The following JADE1 variants were observed in gnomAD, a reference collection of about 807,000 sequenced individuals.
JADE1 encodes the protein jade family PHD finger 1, also known as protein Jade-1.
A neutral mutation model predicts 81.8 loss-of-function variants in JADE1; 14 were observed. The observed-to-expected ratio is 0.17, with a 90% CI of 0.11 to 0.27. The LOEUF is 0.27. Ranked by LOEUF, JADE1 falls within the 10% of genes least tolerant of loss-of-function variation. The probability of loss-of-function intolerance (pLI) is 1.00; values close to 1 mark genes in which losing one functional copy is unlikely to be tolerated. For synonymous variants in JADE1, 353 were observed against 391.9 expected (o/e 0.90, Z 1.17); for missense variants, 690 against 1,047.9 (o/e 0.66, Z 4.71).
chr4:128,809,972 C>CGCGGCGGCGACGGCG (rs1553940211), intron 1 of JADE1, 95 bp downstream of exon 1: 2 of 159,620 alleles, frequency 1.3e-5, no homozygotes, highest in South Asian at 1.7e-4. Flanking sequence ...GTCCCGGTCC[C>CGCGGCGGCGACGGCG]GCGGCGGCGA....
intron 8 of JADE1, among the ~76,000 whole-genome samples, chr4:128,858,671 C>T (rs961999382): frequency 1.3e-5 from 2 of 150,694 alleles, no homozygotes; most frequent in African/African-American, 2.4e-5. Context: ...GGCATCATCT[C>T]GGCTCACTGC....
rs916162395 is a variant in JADE1, at chr4:128,874,914, T to C, written c.*2652T>C. On this transcript the variant is annotated 3_prime_UTR_variant, in exon 11 of 11. Transcript: ENST00000226319. Reference sequence around the variant, plus strand: ...TTATGTGTTGTGTACAAATCTTATTTTGAAATGGACAAACTTGTCATTACA... The same window carrying C: ...TTATGTGTTGTGTACAAATCTTATTCTGAAATGGACAAACTTGTCATTACA... 9.8e-5 allele frequency: 15 copies of C among 152,718 alleles called. No homozygotes were observed. The highest frequency in any genetic ancestry group is 3.6e-4 in the African/African-American group (15 of 41,540). The allele number at this position is 152,718 out of a possible 1,614,324, so 9.5% of individuals were successfully genotyped here.
chr4:128,832,699 G>A (rs540053306), intron 2 of JADE1, among the ~76,000 whole-genome samples: 33 of 152,348 alleles, frequency 2.2e-4, no homozygotes, highest in Non-Finnish European at 1.8e-4. Flanking sequence ...GAGGAGGGGA[G>A]GGCAGGGAAA....
intron 1 of JADE1, among the ~76,000 whole-genome samples, chr4:128,830,655 C>CTT (rs1728476400): frequency 6.6e-6 from 1 of 152,194 alleles, no homozygotes; most frequent in South Asian, 2.1e-4. Flanking sequence ...CTTTTTCTCA[C>CTT]TTGAAAAAGC....
intron 6 of JADE1, among the ~76,000 whole-genome samples, chr4:128,853,658 T>C (rs1463308456): frequency 2.6e-5 from 4 of 152,248 alleles, no homozygotes; most frequent in East Asian, 3.8e-4. Flanking sequence ...TATCCTGAAG[T>C]ACTTTCTTTA....
chr4:128,815,478 A>C (rs1222546057), intron 1 of JADE1, among the ~76,000 whole-genome samples: 1 of 152,232 alleles, frequency 6.6e-6, no homozygotes, highest in Non-Finnish European at 1.5e-5. Flanking sequence ...GATTTTAAAA[A>C]AGCAGGAAAT....
In JADE1 at chr4:128,809,807, C is replaced by G. The variant is rs1726171964; in HGVS notation, c.-97C>G. 1 of 151,870 alleles carries G rather than the reference C, an allele frequency of 6.6e-6. No homozygotes were observed. Among genetic ancestry groups the G allele is most frequent in the African/African-American group, 2.4e-5 (1 of 41,336 alleles). 9.4% of individuals were successfully genotyped at this position (151,870 alleles called of 1,614,324 possible). The stretch of plus-strand genomic sequence containing the variant: ...CGCCCGGCTCCCCGCCCGCCGCGGC[C>G]CGAACTCATGCAGCTCCGAGCGAGC... On this transcript the variant is annotated 5_prime_UTR_variant, in exon 1 of 11. Coordinates refer to ENST00000226319, the MANE Select transcript of JADE1 (RefSeq NM_199320.4).
intron 1 of JADE1, among the ~76,000 whole-genome samples, chr4:128,824,940 G>A (rs1001262566): frequency 6.6e-6 from 1 of 152,284 alleles, no homozygotes; most frequent in Non-Finnish European, 1.5e-5. Flanking sequence ...CAGAGAGTAA[G>A]TAATTCTAGT....
Position 128,846,249 on chromosome 4 carries a change from C to T in JADE1, c.139-126C>T. ...CAGGCAAAGTTTTTCTGTAATAGGTCAGGCTTGTTCTATGTTGATACAGTG... is the reference window on the plus strand; with the variant it reads ...CAGGCAAAGTTTTTCTGTAATAGGTTAGGCTTGTTCTATGTTGATACAGTG... On this transcript the variant is annotated intron_variant, in intron 3 of 10. Transcript: ENST00000226319. The surrounding 1 kb of genome is among the most constrained non-coding windows in gnomAD (Gnocchi z 4.0). 1 of 950,404 alleles carries T rather than the reference C, an allele frequency of 1.1e-6. No individual in the cohort carries two copies. The highest frequency in any genetic ancestry group is 1.6e-6 in the Non-Finnish European group (1 of 624,782). 58.9% of individuals were successfully genotyped at this position (950,404 alleles called of 1,614,324 possible).
chr4:128,846,575 C>T lies in JADE1; in HGVS notation c.296+43C>T, dbSNP rs774685498. On this transcript the variant is annotated intron_variant, in intron 4 of 10. Coordinates refer to ENST00000226319, the MANE Select transcript of JADE1 (RefSeq NM_199320.4). The surrounding 1 kb of genome is among the most constrained non-coding windows in gnomAD (Gnocchi z 4.0). ...ACAGAAGCCTCTCCACCCACCCTTG[C>T]TCTTCTTCCCTGACAGCAGGCATCT... The T allele has an allele frequency of 3.8e-6, 6 of 1,599,216 alleles. No individual in the cohort carries two copies. Among genetic ancestry groups the T allele is most frequent in the Admixed American group, 1.7e-5 (1 of 58,612 alleles).
At chr4:128,814,623 ATGG>A (rs1726827297) in intron 1 of JADE1, among the ~76,000 whole-genome samples, 1 of 149,588 alleles carries the variant, frequency 6.7e-6, no homozygotes, top group Admixed American at 6.6e-5. Flanking sequence ...CTGGAGTGCA[ATGG>A]TGGGATCTCA....
chr4:128,813,407 CTTTTTTTT>C (rs72296886), intron 1 of JADE1, among the ~76,000 whole-genome samples: 3 of 115,558 alleles, frequency 2.6e-5, no homozygotes, highest in East Asian at 2.5e-4. Context: ...CTTACGGTCA[CTTTTTTTT>C]TTTTTTTTTT....
chr4:128,839,481 ATATT>A (rs1262692768), intron 2 of JADE1, among the ~76,000 whole-genome samples: 2 of 152,218 alleles, frequency 1.3e-5, no homozygotes, highest in Non-Finnish European at 2.9e-5. Flanking sequence ...TGAGCCTCAT[ATATT>A]TAAATTGTGT....
At chr4:128,831,647 C>A in intron 1 of JADE1, 86 bp from the exon 2 acceptor site, 1 of 1,132,232 alleles carries the variant, frequency 8.8e-7, no homozygotes. Context: ...CTTTTGTTTG[C>A]TGTAAATCCT....
At position 128,846,261 on chromosome 4, in the gene JADE1, A is replaced by G; in HGVS notation, c.139-114A>G. On this transcript the variant is annotated intron_variant, in intron 3 of 10. Transcript: ENST00000226319. The surrounding 1 kb of genome is among the most constrained non-coding windows in gnomAD (Gnocchi z 4.0). ...TTCTGTAATAGGTCAGGCTTGTTCT[A>G]TGTTGATACAGTGACCTTGTTACAT... is the stretch of plus-strand genomic sequence containing the variant. 5 of 1,066,886 alleles carry G rather than the reference A, an allele frequency of 4.7e-6. No individual in the cohort carries two copies. Among genetic ancestry groups the G allele is most frequent in the Admixed American group, 1.9e-5 (1 of 52,010 alleles). 66.1% of individuals were successfully genotyped at this position (1,066,886 alleles called of 1,614,324 possible). A position where few individuals can be genotyped will look rare whatever the true frequency, so the allele number is the denominator to read the frequency against.
chr4:128,814,599 T>C (rs149008300), intron 1 of JADE1, among the ~76,000 whole-genome samples: 2,086 of 150,334 alleles, frequency 0.014, 64 homozygotes, highest in African/African-American at 0.049. Context: ...GAAGTTTTGC[T>C]CATGTTGCCC....
At position 128,861,948 on chromosome 4, in the gene JADE1, A is replaced by G; in HGVS notation, c.1226A>G (p.Glu409Gly). The change falls in exon 9 of 11, where the codon GAG becomes GGG. Residue 409 changes from glutamate to glycine, a missense_variant. Coordinates refer to ENST00000226319, the MANE Select transcript of JADE1 (RefSeq NM_199320.4). ...PFASLEQNRE[E>G]AHRVSVRKQK... ...GCCAGCCTTGAGCAGAACCGGGAGG[A>G]GGCCCACCGGGTGAGTGTCCGTAAG... is the stretch of plus-strand genomic sequence containing the variant. 6.2e-7 allele frequency: 1 copy of G among 1,614,026 alleles called. No individual in the cohort carries two copies. Among genetic ancestry groups the G allele is most frequent in the Non-Finnish European group, 8.5e-7 (1 of 1,179,986 alleles).
chr4:128,821,078 G>A lies in JADE1; in HGVS notation c.-26-10655G>A, dbSNP rs149382516. Among the ~76,000 whole-genome samples the A allele has an allele frequency of 3.1e-3, 465 of 152,312 alleles. 2 individuals carry two copies. The highest frequency in any genetic ancestry group is 5.1e-3 in the Non-Finnish European group (346 of 68,032). On this transcript the variant is annotated intron_variant, in intron 1 of 10. Transcript: ENST00000226319. ...GAGCTTTTAGAGTTTGATATGAAGT[G>A]TGTAGGTTTGTATTATAGAAATTAG... is the stretch of plus-strand genomic sequence containing the variant.
chr4:128,865,236 A>T (rs1731698291), intron 9 of JADE1, among the ~76,000 whole-genome samples: 2 of 152,156 alleles, frequency 1.3e-5, no homozygotes, highest in South Asian at 4.1e-4. Context: ...AACCACTTTT[A>T]GATGTCTTAG....
Sources: gnomAD v4.1 joint callset for allele counts (sites outside exome capture counted in the v4.1 genomes callset) on GRCh38, gnomAD v4.1.1 for gene constraint, Gnocchi (gnomAD v3.1) non-coding constraint, MANE v1.5 for transcripts, NCBI Gene and HGNC (gene_info 2026-07-23, HGNC 2026-07-21) for gene names.